KSR1: variants seen among roughly 807,000 people sequenced by gnomAD.
The protein encoded by KSR1 is kinase suppressor of ras.
KSR1 carries 35 observed loss-of-function variants against 92.9 expected under a neutral mutation model. That is an observed-to-expected ratio of 0.38 (90% confidence interval 0.29 to 0.50). KSR1 has a LOEUF of 0.50. Ranked by LOEUF, KSR1 falls within the 20% of genes least tolerant of loss-of-function variation. KSR1 has a pLI of 0.94. For synonymous variants in KSR1, 467 were observed against 472.6 expected (o/e 0.99, Z 0.15); for missense variants, 972 against 1,158.5 (o/e 0.84, Z 2.34).
At chr17:27,613,753 G>A (rs2073984715) in intron 18 of KSR1, among the ~76,000 whole-genome samples, 1 of 152,210 alleles carries the variant, frequency 6.6e-6, no homozygotes, top group South Asian at 2.1e-4. Flanking sequence ...CAGCCTCCTT[G>A]GCTGAGCTCT....
intron 1 of KSR1, among the ~76,000 whole-genome samples, chr17:27,530,695 G>A (rs776135506): frequency 7.2e-5 from 11 of 152,120 alleles, no homozygotes; most frequent in Non-Finnish European, 1.3e-4. Context: ...GAGAACATTT[G>A]GAAAACACAG....
chr17:27,615,810 A>G (rs949348931), intron 18 of KSR1, among the ~76,000 whole-genome samples: 33 of 152,208 alleles, frequency 2.2e-4, no homozygotes, highest in African/African-American at 6.8e-4. Flanking sequence ...CCAGTGGAAG[A>G]ATGGGAGATA....
intron 1 of KSR1, 45 bp from the exon 2 acceptor site, chr17:27,550,523 G>A (rs1567817302): frequency 1.8e-5 from 14 of 758,732 alleles, no homozygotes; most frequent in Non-Finnish European, 3.4e-5. Context: ...CCATATGGTT[G>A]GGCTGCAGAT....
chr17:27,561,806 G>T (rs1383405274), intron 2 of KSR1, among the ~76,000 whole-genome samples: 1 of 152,184 alleles, frequency 6.6e-6, no homozygotes, highest in Non-Finnish European at 1.5e-5. Flanking sequence ...TCATGAGCAT[G>T]AATGTCCTGC....
chr17:27,589,993 ACT>A (rs1443041612), intron 6 of KSR1, among the ~76,000 whole-genome samples: 1 of 152,060 alleles, frequency 6.6e-6, no homozygotes, highest in Admixed American at 6.6e-5. Flanking sequence ...ACAATCCTAT[ACT>A]CTGTTTTTTC....
intron 2 of KSR1, chr17:27,560,572 C>T: frequency 2.0e-6 from 1 of 494,708 alleles, no homozygotes; most frequent in South Asian, 1.5e-5. Context: ...GACAAAGCTG[C>T]CTTACTCCTG....
In KSR1 at chr17:27,568,901, C is replaced by T. The variant is rs1159217253; in HGVS notation, c.373-8591C>T. 4.3e-4 allele frequency among the ~76,000 whole-genome samples: 66 copies of T among 152,192 alleles called. 1 individual carries two copies. Among genetic ancestry groups the T allele is most frequent in the Admixed American group, 4.3e-3 (66 of 15,282 alleles). Reference sequence around the variant, plus strand: ...CTGATCCCAGGCCCTCAGCTTTAGCCCCTGCACATAGCCCTATTTTGTGCA... The same window carrying T: ...CTGATCCCAGGCCCTCAGCTTTAGCTCCTGCACATAGCCCTATTTTGTGCA... On this transcript the variant is annotated intron_variant, in intron 2 of 20. Transcript: ENST00000644974.
At chr17:27,610,784 T>G (rs1253346108) in intron 17 of KSR1, among the ~76,000 whole-genome samples, 1 of 152,234 alleles carries the variant, frequency 6.6e-6, no homozygotes, top group Non-Finnish European at 1.5e-5. Flanking sequence ...AATATACAAA[T>G]TAATAAGATA....
chr17:27,598,595 ACCT>A (rs1291322671), intron 10 of KSR1, among the ~76,000 whole-genome samples: 2 of 151,728 alleles, frequency 1.3e-5, no homozygotes. Flanking sequence ...CATTTGATTA[ACCT>A]CCTCTCCCAT....
At chr17:27,480,192 G>A (rs1052020966) in intron 1 of KSR1, among the ~76,000 whole-genome samples, 1 of 151,892 alleles carries the variant, frequency 6.6e-6, no homozygotes, top group Non-Finnish European at 1.5e-5. Flanking sequence ...TCCCCTAGAT[G>A]CCCCCAGGCC....
At chr17:27,545,092 A>G (rs1398247357) in intron 1 of KSR1, among the ~76,000 whole-genome samples, 2 of 152,172 alleles carry the variant, frequency 1.3e-5, no homozygotes, top group Non-Finnish European at 2.9e-5. Flanking sequence ...TCCTTGTCTC[A>G]GGCACAGCTA....
intron 1 of KSR1, among the ~76,000 whole-genome samples, chr17:27,501,292 C>CTTTTTTTTTTTTTTTTTTTTTTT: frequency 4.0e-5 from 2 of 49,704 alleles, no homozygotes; most frequent in African/African-American, 8.2e-5. Context: ...TTCTTTTCTT[C>CTTTTTTTTTTTTTTTTTTTTTTT]TTTTTTTTTT....
intron 1 of KSR1, among the ~76,000 whole-genome samples, chr17:27,499,652 C>T (rs946494207): frequency 6.6e-6 from 1 of 152,186 alleles, no homozygotes; most frequent in Admixed American, 6.5e-5. Flanking sequence ...GACAGCCGGC[C>T]CTTGGCAGAG....
At chr17:27,535,918 T>C (rs1285429639) in intron 1 of KSR1, among the ~76,000 whole-genome samples, 1 of 152,254 alleles carries the variant, frequency 6.6e-6, no homozygotes, top group Non-Finnish European at 1.5e-5. Context: ...GTGACATGAC[T>C]GTCCATTCTT....
chr17:27,604,532 A>G, intron 12 of KSR1, 148 bp from the exon 13 acceptor site: 1 of 722,670 alleles, frequency 1.4e-6, no homozygotes, highest in Non-Finnish European at 2.4e-6. Context: ...CCTCCTGCCT[A>G]TTGCCATGCT....
At chr17:27,575,094 C>T (rs2072454194) in intron 2 of KSR1, among the ~76,000 whole-genome samples, 1 of 152,178 alleles carries the variant, frequency 6.6e-6, no homozygotes, top group African/African-American at 2.4e-5. Context: ...AAAGAGGGTT[C>T]TTGAGTCTTG....
intron 9 of KSR1, among the ~76,000 whole-genome samples, chr17:27,593,725 G>A (rs1306730204): frequency 6.6e-6 from 1 of 152,226 alleles, no homozygotes; most frequent in Non-Finnish European, 1.5e-5. Flanking sequence ...CGGGAAAGAT[G>A]ATAGGGTCCT....
intron 11 of KSR1, chr17:27,601,967 A>ACGCT: frequency 1.9e-6 from 3 of 1,590,786 alleles, no homozygotes; most frequent in Non-Finnish European, 2.6e-6. Context: ...CAGTAAGTCA[A>ACGCT]TACATTGAGT....
chr17:27,492,112 C>T (rs1017179681), intron 1 of KSR1, among the ~76,000 whole-genome samples: 13 of 152,024 alleles, frequency 8.6e-5, no homozygotes, highest in African/African-American at 2.9e-4. Flanking sequence ...ATTAGTTGCA[C>T]GTTGGGAGGT....
Sources: allele counts gnomAD v4.1 joint callset (sites outside exome capture counted in the v4.1 genomes callset), GRCh38; gene constraint gnomAD v4.1.1; transcripts MANE v1.5; gene names NCBI Gene and HGNC (gene_info 2026-07-23, HGNC 2026-07-21).